Variants in GALNT13 observed in about 807,000 individuals in gnomAD.
GALNT13 encodes the protein polypeptide N-acetylgalactosaminyltransferase 13, also known as UDP-GalNAc:polypeptide N-acetylgalactosaminyltransferase 13.
Under a neutral mutation model 64.2 loss-of-function variants are expected in GALNT13, and 28 were observed. That is an observed-to-expected ratio of 0.44 (90% CI 0.32 to 0.60). The LOEUF is 0.60. GALNT13 is among the 20% of genes least tolerant of loss of function. The pLI is 0.05. For synonymous variants in GALNT13, 214 were observed against 224.6 expected (o/e 0.95, Z 0.42); for missense variants, 577 against 669.8 (o/e 0.86, Z 1.53).
At chr2:153,971,819 C>T (rs761596474) in intron 3 of GALNT13, among the ~76,000 whole-genome samples, 2 of 151,616 alleles carry the variant, frequency 1.3e-5, no homozygotes, top group Non-Finnish European at 2.9e-5. Flanking sequence ...AATAGTGTCC[C>T]AGAAAAAAAA....
chr2:153,856,289 G>A, the GALNT13 span, among the ~76,000 whole-genome samples: 1 of 152,110 alleles, frequency 6.6e-6, no homozygotes, highest in Non-Finnish European at 1.5e-5. Context: ...AGGTAGGCAG[G>A]TAAATAGATA....
chr2:154,449,375 G>A (rs1470803476), intron 12 of GALNT13, among the ~76,000 whole-genome samples: 2 of 134,576 alleles, frequency 1.5e-5, no homozygotes, highest in African/African-American at 5.5e-5. Context: ...CATTTTTATG[G>A]CCCACCCCTT....
rs1697339369 is a variant in GALNT13, at chr2:154,020,113, G to T, written c.142+75474G>T. On this transcript the variant is annotated intron_variant, in intron 3 of 12. Coordinates refer to ENST00000392825, the MANE Select transcript of GALNT13 (RefSeq NM_052917.4). ...CTAGTCTGTCGTTGTTGCACATTTA[G>T]GTTGGTTCCAAGTCTTTGCTATTGT... Among the ~76,000 whole-genome samples the T allele has an allele frequency of 2.0e-5, 3 of 152,170 alleles. No homozygotes were observed. In the South Asian group the frequency reaches 6.2e-4, roughly 32 times the overall value.
intron 4 of GALNT13, among the ~76,000 whole-genome samples, chr2:154,233,906 C>A (rs1021264878): frequency 5.9e-5 from 9 of 152,092 alleles, no homozygotes; most frequent in African/African-American, 2.2e-4. Flanking sequence ...AAGTATGATC[C>A]TCTGGGTTCT....
intron 12 of GALNT13, among the ~76,000 whole-genome samples, chr2:154,442,219 T>C (rs551264500): frequency 6.6e-6 from 1 of 152,262 alleles, no homozygotes; most frequent in African/African-American, 2.4e-5. Context: ...TAAGCAGTCA[T>C]AAAACTACTT....
At chr2:153,513,890 A>G in the GALNT13 span, among the ~76,000 whole-genome samples, 1 of 152,090 alleles carries the variant, frequency 6.6e-6, no homozygotes, top group Non-Finnish European at 1.5e-5. Context: ...GAAACACACC[A>G]CCTGTACTTG....
the GALNT13 span, among the ~76,000 whole-genome samples, chr2:153,712,992 G>A: frequency 6.6e-6 from 1 of 152,156 alleles, no homozygotes; most frequent in African/African-American, 2.4e-5. Context: ...AACCAAGTAA[G>A]CAATCTGTGC....
chr2:154,214,746 G>T (rs980045539), intron 4 of GALNT13, among the ~76,000 whole-genome samples: 1 of 152,140 alleles, frequency 6.6e-6, no homozygotes, highest in Non-Finnish European at 1.5e-5. Flanking sequence ...CCTCAGCCCT[G>T]TGGAACTGAG....
At chr2:154,438,882 A>G (rs895844204) in intron 12 of GALNT13, among the ~76,000 whole-genome samples, 156 bp downstream of exon 12, 5 of 152,150 alleles carry the variant, frequency 3.3e-5, no homozygotes. Context: ...AGGATGGCAT[A>G]TCATATAAAC....
At chr2:153,152,998 T>C in the GALNT13 span, among the ~76,000 whole-genome samples, 1 of 152,172 alleles carries the variant, frequency 6.6e-6, no homozygotes, top group Non-Finnish European at 1.5e-5. Flanking sequence ...CCTTCCACAA[T>C]GGTTGAACTA....
At chr2:153,884,845 A>G (rs555728337) in intron 1 of GALNT13, among the ~76,000 whole-genome samples, 10,882 of 90,644 alleles carry the variant, frequency 0.12, 1,286 homozygotes, top group East Asian at 0.67. Context: ...GTGTGTGTGT[A>G]TATATGTATA....
chr2:153,259,850 T>C, the GALNT13 span, among the ~76,000 whole-genome samples: 1 of 152,194 alleles, frequency 6.6e-6, no homozygotes, highest in Non-Finnish European at 1.5e-5. Context: ...TTTTTTAAAT[T>C]ATTTTGGTTA....
intron 1 of GALNT13, among the ~76,000 whole-genome samples, chr2:153,882,287 A>G (rs1416083877): frequency 6.6e-6 from 1 of 152,066 alleles, no homozygotes; most frequent in African/African-American, 2.4e-5. Context: ...TGAAAAAAGT[A>G]AAGAACAGAA....
At chr2:154,147,053 G>A (rs1206825160) in intron 4 of GALNT13, among the ~76,000 whole-genome samples, 1 of 152,014 alleles carries the variant, frequency 6.6e-6, no homozygotes, top group Non-Finnish European at 1.5e-5. Flanking sequence ...TAGAACCTAA[G>A]AATGTAGAGG....
At chr2:153,575,704 C>A in the GALNT13 span, among the ~76,000 whole-genome samples, 1 of 152,066 alleles carries the variant, frequency 6.6e-6, no homozygotes, top group African/African-American at 2.4e-5. Flanking sequence ...TTCCCTAAGG[C>A]CCAAGGTCTC....
At chr2:154,355,152 T>G (rs1458514344) in intron 9 of GALNT13, among the ~76,000 whole-genome samples, 1 of 152,092 alleles carries the variant, frequency 6.6e-6, no homozygotes, top group Non-Finnish European at 1.5e-5. Flanking sequence ...CCCAGCCACA[T>G]GTTTTTCTTC....
chr2:154,231,435 T>C (rs1369077903), intron 4 of GALNT13, among the ~76,000 whole-genome samples: 1 of 152,064 alleles, frequency 6.6e-6, no homozygotes, highest in African/African-American at 2.4e-5. Flanking sequence ...CTCTTATAGA[T>C]GGATTTTGTT....
chr2:153,184,289 T>C, the GALNT13 span, among the ~76,000 whole-genome samples: 14 of 152,182 alleles, frequency 9.2e-5, no homozygotes, highest in Non-Finnish European at 1.5e-4. Context: ...TGTTGGTGTA[T>C]AGGAAAGCTA....
chr2:154,187,917 G>T (rs936424690), intron 4 of GALNT13, among the ~76,000 whole-genome samples: 5 of 151,836 alleles, frequency 3.3e-5, no homozygotes, highest in Admixed American at 1.3e-4. Context: ...AATGAAGATT[G>T]TTCTTTTCTC....
Sources: allele counts gnomAD v4.1 joint callset (sites outside exome capture counted in the v4.1 genomes callset), GRCh38; gene constraint gnomAD v4.1.1; transcripts MANE v1.5; gene names NCBI Gene and HGNC (gene_info 2026-07-23, HGNC 2026-07-21).